The following ATP2A2 variants were observed in gnomAD, a reference collection of about 807,000 sequenced individuals.
The protein encoded by ATP2A2 is sarcoplasmic/endoplasmic reticulum calcium ATPase 2.
ATP2A2 carries 14 observed loss-of-function variants against 109.3 expected under a neutral mutation model. The observed-to-expected ratio is 0.13, with a 90% CI of 0.08 to 0.20. The LOEUF (loss-of-function observed/expected upper bound fraction) is 0.20. Ranked by LOEUF, ATP2A2 falls within the 10% of genes least tolerant of loss-of-function variation. The pLI is 1.00. For missense variants in ATP2A2, 657 were observed against 1,321.6 expected (o/e 0.50, Z 7.80); for synonymous variants, 506 against 490.9 (o/e 1.03, Z -0.41).
intron 11 of ATP2A2, among the ~76,000 whole-genome samples, chr12:110,338,362 G>A (rs2137847859): frequency 6.6e-6 from 1 of 152,320 alleles, no homozygotes; most frequent in South Asian, 2.1e-4. Flanking sequence ...ACAGAGTTCT[G>A]GTGGACAGCT....
intron 4 of ATP2A2, among the ~76,000 whole-genome samples, 199 bp downstream of exon 4, chr12:110,292,323 A>G (rs544201535): frequency 5.7e-4 from 87 of 151,982 alleles, no homozygotes; most frequent in Admixed American, 2.4e-3. Flanking sequence ...CTGGAGTGCA[A>G]TGGTGTTGTC....
Position 110,281,774 on chromosome 12 carries a change from C to A in ATP2A2, c.-16C>A. 6.7e-7 allele frequency: 1 copy of A among 1,483,086 alleles called. No individual in the cohort carries two copies. The highest frequency in any genetic ancestry group is 1.5e-5 in the African/African-American group (1 of 68,652). The allele number at this position is 1,483,086 out of a possible 1,614,324, so 91.9% of individuals were successfully genotyped here. A position where few individuals can be genotyped will look rare whatever the true frequency, so the allele number is the denominator to read the frequency against. ...CCGCGGGGACGGGAGGCGAGGCCGG[C>A]CGGGCCCCCGAAGCCATGGAGAACG... On this transcript the variant is annotated 5_prime_UTR_variant, in exon 1 of 20. Transcript: ENST00000539276.
intron 5 of ATP2A2, among the ~76,000 whole-genome samples, chr12:110,319,608 T>G (rs1345078624): frequency 6.7e-6 from 1 of 148,720 alleles, no homozygotes; most frequent in Non-Finnish European, 1.5e-5. Context: ...AATATAATCT[T>G]TCATATACAT....
At chr12:110,344,854 A>C (rs1278435106) in intron 16 of ATP2A2, 32 bp from the exon 17 acceptor site, 2 of 1,610,898 alleles carry the variant, frequency 1.2e-6, no homozygotes, top group Admixed American at 1.7e-5. Flanking sequence ...CTGCAGAGGC[A>C]AGTGCATCAG....
intron 14 of ATP2A2, among the ~76,000 whole-genome samples, chr12:110,341,302 C>T (rs1879330591): frequency 6.6e-6 from 1 of 151,818 alleles, no homozygotes; most frequent in Non-Finnish European, 1.5e-5. Context: ...AGGATGTAAT[C>T]AGTCAGTTGT....
chr12:110,288,211 A>G (rs893824620), intron 3 of ATP2A2, among the ~76,000 whole-genome samples: 5 of 149,584 alleles, frequency 3.3e-5, no homozygotes, highest in Non-Finnish European at 5.9e-5. Flanking sequence ...CCTGGTTTCA[A>G]GCAATCTTCC....
intron 11 of ATP2A2, among the ~76,000 whole-genome samples, chr12:110,336,378 C>T (rs937380866): frequency 6.6e-6 from 1 of 152,162 alleles, no homozygotes; most frequent in Non-Finnish European, 1.5e-5. Context: ...GTTGTCACCA[C>T]GTTTAATGCT....
chr12:110,282,538 GTCTC>G (rs540446116), intron 1 of ATP2A2, 62 bp from the exon 2 acceptor site: 171 of 1,577,728 alleles, frequency 1.1e-4, no homozygotes, highest in South Asian at 3.5e-4. Context: ...GTGCTAAAAT[GTCTC>G]TCTCTTTTTT....
intron 5 of ATP2A2, among the ~76,000 whole-genome samples, chr12:110,320,658 T>C (rs1468392105): frequency 6.6e-6 from 1 of 152,248 alleles, no homozygotes; most frequent in Admixed American, 6.5e-5. Flanking sequence ...TATATTAAAA[T>C]GAAAGGTTCT....
chr12:110,291,411 G>T (rs1412260283), intron 3 of ATP2A2, among the ~76,000 whole-genome samples: 1 of 151,754 alleles, frequency 6.6e-6, no homozygotes, highest in Admixed American at 6.6e-5. Flanking sequence ...TCGCCATGTC[G>T]GCCAGGCTGG....
chr12:110,297,177 C>T (rs1467882361), intron 5 of ATP2A2, among the ~76,000 whole-genome samples: 2 of 152,096 alleles, frequency 1.3e-5, no homozygotes, highest in African/African-American at 2.4e-5. Context: ...TGGTAGCTCA[C>T]GCCTGTAATC....
At position 110,349,560 on chromosome 12, in the gene ATP2A2, G is replaced by C; in HGVS notation, c.*3090G>C. ...AGCTCCCAGGCAAGCAGGGCATCTG[G>C]CCGACTTCCCTCACAACAGCTGCTC... is the stretch of plus-strand genomic sequence containing the variant. On this transcript the variant is annotated 3_prime_UTR_variant, in exon 20 of 20. Transcript: ENST00000539276. 1.0e-6 allele frequency: 1 copy of C among 986,466 alleles called. No homozygotes were observed. The highest frequency in any genetic ancestry group is 1.2e-6 in the Non-Finnish European group (1 of 830,664). The allele number at this position is 986,466 out of a possible 1,614,324, so 61.1% of individuals were successfully genotyped here. A position where few individuals can be genotyped will look rare whatever the true frequency, so the allele number is the denominator to read the frequency against.
intron 11 of ATP2A2, among the ~76,000 whole-genome samples, chr12:110,338,686 G>A (rs1879071157): frequency 6.6e-6 from 1 of 152,190 alleles, no homozygotes; most frequent in Non-Finnish European, 1.5e-5. Context: ...GACCTCAGGT[G>A]ATCCACTGCA....
Position 110,340,860 on chromosome 12 carries a change from C to T in ATP2A2, c.1963C>T (p.Arg655Trp). 6.2e-7 allele frequency: 1 copy of T among 1,614,214 alleles called. No individual in the cohort carries two copies. The highest frequency in any genetic ancestry group is 8.5e-7 in the Non-Finnish European group (1 of 1,180,040). ...EDVTSKAFTG[R>W]EFDELNPSAQ... is the part of the protein sequence containing the mutation. ...CGTGACGTCAAAAGCTTTCACAGGC[C>T]GGGAGTTTGATGAACTCAACCCCTC... The change falls in exon 14 of 20, where the codon CGG becomes TGG. Residue 655 changes from arginine (R) to tryptophan (W), a missense_variant. Transcript: ENST00000539276. This position sits in a 1 kb window ranked among gnomAD's most constrained non-coding sequence, Gnocchi z 6.0.
intron 5 of ATP2A2, among the ~76,000 whole-genome samples, chr12:110,320,345 A>G (rs1213978824): frequency 6.6e-6 from 1 of 152,258 alleles, no homozygotes; most frequent in East Asian, 1.9e-4. Flanking sequence ...GACGACCGCT[A>G]TCTCACATTG....
At position 110,349,501 on chromosome 12, in the gene ATP2A2, C is replaced by A. The variant is rs1880201285; in HGVS notation, c.*3031C>A. 1 of 985,754 alleles carries A rather than the reference C, an allele frequency of 1.0e-6. No homozygotes were observed. The highest frequency in any genetic ancestry group is 1.2e-6 in the Non-Finnish European group (1 of 830,170). The allele number at this position is 985,754 out of a possible 1,614,324, so 61.1% of individuals were successfully genotyped here. ...CACCACTCTGCAGAATGCAGATGAT[C>A]CATTCTGGAGGAAGCTGTCCCTTGA... On this transcript the variant is annotated 3_prime_UTR_variant, in exon 20 of 20. Coordinates refer to ENST00000539276, the MANE Select transcript of ATP2A2 (RefSeq NM_170665.4).
At chr12:110,292,216 T>G (rs1450829316) in intron 4 of ATP2A2, 92 bp downstream of exon 4, 1 of 960,646 alleles carries the variant, frequency 1.0e-6, no homozygotes, top group Non-Finnish European at 1.7e-6. Context: ...TTTCCTGATG[T>G]GTTGAGTAAA....
intron 11 of ATP2A2, 36 bp downstream of exon 11, chr12:110,334,179 T>C (rs936520118): frequency 1.7e-5 from 28 of 1,611,680 alleles, no homozygotes; most frequent in Non-Finnish European, 2.3e-5. Flanking sequence ...TTCATGCTGC[T>C]TATCAGTCGT....
Position 110,342,796 on chromosome 12 carries a change from G to T in ATP2A2, c.2318+348G>T, listed in dbSNP as rs1348082770. Among the ~76,000 whole-genome samples the T allele has an allele frequency of 1.3e-5, 2 of 151,818 alleles. No homozygotes were observed. The highest frequency in any genetic ancestry group is 6.6e-5 in the Admixed American group (1 of 15,214). ...ATTTTTTTGAGACAGTCTCGCTGTC[G>T]CCCAGGCTTCGGGCAGTGGCACGAT... On this transcript the variant is annotated intron_variant, in intron 15 of 19. Coordinates refer to ENST00000539276, the MANE Select transcript of ATP2A2 (RefSeq NM_170665.4). This position sits in a 1 kb window ranked among gnomAD's most constrained non-coding sequence, Gnocchi z 4.6.
Sources: gnomAD v4.1 joint callset for allele counts (sites outside exome capture counted in the v4.1 genomes callset) on GRCh38, gnomAD v4.1.1 for gene constraint, Gnocchi (gnomAD v3.1) non-coding constraint, MANE v1.5 for transcripts, NCBI Gene and HGNC (gene_info 2026-07-23, HGNC 2026-07-21) for gene names.